The following PEAR1 variants were observed in gnomAD, a reference collection of about 807,000 sequenced individuals.
The protein encoded by PEAR1 is multiple EGF-like domains protein 12.
PEAR1 carries 113 observed loss-of-function variants against 131.2 expected under a neutral mutation model. That is an observed-to-expected ratio of 0.86 (90% CI 0.74 to 1.01). PEAR1 has a LOEUF of 1.01. Among genes scored for constraint, PEAR1 ranks in the 50% least tolerant of loss-of-function variants. The pLI, the probability that PEAR1 is intolerant of heterozygous loss-of-function variation, is 0.00. For synonymous variants in PEAR1, 565 were observed against 523.3 expected (o/e 1.08, Z -1.09); for missense variants, 1,408 against 1,391.1 (o/e 1.01, Z -0.19).
Position 156,913,706 on chromosome 1 carries a change from G to T in PEAR1, c.2659G>T (p.Asp887Tyr), listed in dbSNP as rs1331998792. 1 of 1,614,010 alleles carries T rather than the reference G, an allele frequency of 6.2e-7. No individual in the cohort carries two copies. ...GPLDRGSSRL[D>Y]RSYSYSYSNG... Reference sequence around the variant, plus strand: ...CTCCTCCTCAGGGAGCAGCCGCCTGGACCGAAGCTACAGCTATAGCTACAG... The same window carrying T: ...CTCCTCCTCAGGGAGCAGCCGCCTGTACCGAAGCTACAGCTATAGCTACAG... Residue 887 changes from aspartate (D) to tyrosine (Y), a missense_variant, in exon 21 of 23, where the codon GAC becomes TAC. By Grantham distance (160) the Asp-to-Tyr change is radical. Transcript: ENST00000292357.
Position 156,908,773 on chromosome 1 carries a change from C to G in PEAR1, c.1234C>G (p.His412Asp), listed in dbSNP as rs1257262177. The change falls in exon 10 of 23, where the codon CAC becomes GAC. Residue 412 changes from histidine (H) to aspartate (D), a missense_variant. Physicochemically the swap from His to Asp is moderately conservative, Grantham distance 81. Coordinates refer to ENST00000292357, the MANE Select transcript of PEAR1 (RefSeq NM_001080471.3). The surrounding 1 kb of genome is among the most constrained non-coding windows in gnomAD (Gnocchi z 4.2). The part of the protein sequence containing the change: ...PGCQEHCLCL[H>D]GGVCQATSGL... ...GTGCCAGGAGCACTGTCTCTGCCTG[C>G]ACGGTGGCGTCTGCCAGGCTACCAG... is the stretch of plus-strand genomic sequence containing the variant. 2 of 1,599,428 alleles carry G rather than the reference C, an allele frequency of 1.3e-6. No homozygotes were observed. Among genetic ancestry groups the G allele is most frequent in the Non-Finnish European group, 1.7e-6 (2 of 1,175,692 alleles).
In PEAR1 at chr1:156,908,924, C is replaced by T; in HGVS notation, c.1299C>T (p.His433=). The change falls in exon 11 of 23, where the codon CAC becomes CAT. Residue 433 remains histidine (H), a synonymous_variant. Coordinates refer to ENST00000292357, the MANE Select transcript of PEAR1 (RefSeq NM_001080471.3). This position sits in a 1 kb window ranked among gnomAD's most constrained non-coding sequence, Gnocchi z 4.2. ...CGCTCACCCTCTTTCAGGGCCCTCA[C>T]TGTGCTAGTCTTTGTCCTCCTGACA... ...CQCAPGYTGP[H]CASLCPPDTY... 2 of 1,613,600 alleles carry T rather than the reference C, an allele frequency of 1.2e-6. No homozygotes were observed. The highest frequency in any genetic ancestry group is 1.7e-6 in the Non-Finnish European group (2 of 1,179,960).
intron 1 of PEAR1, among the ~76,000 whole-genome samples, chr1:156,899,338 A>G (rs1237349320): frequency 6.6e-6 from 1 of 152,066 alleles, no homozygotes; most frequent in Non-Finnish European, 1.5e-5. Flanking sequence ...GTTGGTGCTT[A>G]GGCCCAGGGC....
chr1:156,912,389 G>A lies in PEAR1; in HGVS notation c.2080+14G>A, dbSNP rs1651315429. The A allele has an allele frequency of 1.2e-6, 2 of 1,610,140 alleles. No homozygotes were observed. Among genetic ancestry groups the A allele is most frequent in the Non-Finnish European group, 8.5e-7 (1 of 1,178,300 alleles). Reference sequence around the variant, plus strand: ...ACTGCTTAGAAGGTACCAACAGAAGGGGAACTCCAGGCCCCTGCCTCCAAC... The same window carrying A: ...ACTGCTTAGAAGGTACCAACAGAAGAGGAACTCCAGGCCCCTGCCTCCAAC... On this transcript the variant is annotated intron_variant, in intron 16 of 22. Transcript: ENST00000292357.
intron 15 of PEAR1, among the ~76,000 whole-genome samples, chr1:156,911,214 T>TTC (rs1651149455): frequency 1.8e-5 from 2 of 111,122 alleles, no homozygotes; most frequent in African/African-American, 7.2e-5. Flanking sequence ...CTTTCTTTCT[T>TTC]TCTTTCCTTT....
rs199937671 is a variant in PEAR1, at chr1:156,906,701, G to A, written c.465G>A (p.Ser155=). ...DKPCSCGNNS[S]CDPKSGVCSC... ...CCTGCAGCTGCGGCAACAACAGCTC[G>A]TGTGATCCCAAGAGTGGGGTATGTT... Residue 155 remains serine, a synonymous_variant, in exon 6 of 23, where the codon TCG becomes TCA. Coordinates refer to ENST00000292357, the MANE Select transcript of PEAR1 (RefSeq NM_001080471.3). 294 of 1,614,002 alleles carry A rather than the reference G, an allele frequency of 1.8e-4. 1 individual carries two copies. The highest frequency in any genetic ancestry group is 6.6e-4 in the Middle Eastern group (4 of 6,084).
chr1:156,913,875 G>A lies in PEAR1; in HGVS notation c.2737G>A (p.Gly913Arg), dbSNP rs111590338. The change falls in exon 22 of 23, where the codon GGG (glycine) becomes AGG (arginine). Residue 913 changes from glycine to arginine, a missense_variant. Gly to Arg is a moderately radical substitution (Grantham distance 125). Coordinates refer to ENST00000292357, the MANE Select transcript of PEAR1 (RefSeq NM_001080471.3). ...NKGLISEEEL[G>R]ASVASLSSEN... ...AGGGCTCATCTCTGAAGAGGAGCTC[G>A]GGGCCAGTGTGGCTTCCCTGAGCAG... 3.3e-4 allele frequency: 525 copies of A among 1,613,620 alleles called. 2 individuals are homozygous for A. In the Middle Eastern group the frequency reaches 8.4e-3, roughly 26 times the overall value.
chr1:156,908,050 C>A lies in PEAR1; in HGVS notation c.901C>A (p.Arg301=), dbSNP rs551932842. The A allele has an allele frequency of 2.1e-6, 2 of 963,570 alleles. No individual in the cohort carries two copies. The allele number at this position is 963,570 out of a possible 1,614,324, so 59.7% of individuals were successfully genotyped here. The change falls in exon 8 of 23, where the codon CGG becomes AGG. Residue 301 remains arginine, a splice_region_variant and synonymous_variant. Coordinates refer to ENST00000292357, the MANE Select transcript of PEAR1 (RefSeq NM_001080471.3). This position sits in a 1 kb window ranked among gnomAD's most constrained non-coding sequence, Gnocchi z 4.2. The part of the protein sequence containing the change: ...CRCAPGYTGD[R]CREECPVGRF... The stretch of plus-strand genomic sequence containing the variant: ...CTGCGCTCCGGGTTACACTGGGGAT[C>A]GGTGAGTGGCGTGGGGCGGGCGGGA...
chr1:156,905,746 C>T (rs1650230907), intron 4 of PEAR1, among the ~76,000 whole-genome samples: 1 of 152,166 alleles, frequency 6.6e-6, no homozygotes. Context: ...CTCTCTGTCA[C>T]TGTGTGTCTC....
At chr1:156,897,159 G>C (rs1336682964) in intron 1 of PEAR1, among the ~76,000 whole-genome samples, 1 of 152,212 alleles carries the variant, frequency 6.6e-6, no homozygotes, top group Non-Finnish European at 1.5e-5. Context: ...GGCATCCTGG[G>C]TGTAAGTGCT....
chr1:156,910,519 A>G (rs1650941557), intron 14 of PEAR1, 99 bp from the exon 15 acceptor site: 1 of 1,560,866 alleles, frequency 6.4e-7, no homozygotes, highest in Non-Finnish European at 8.7e-7. Flanking sequence ...CCGTCTTCAG[A>G]CTAGTTACTG....
intron 1 of PEAR1, among the ~76,000 whole-genome samples, chr1:156,897,147 C>T (rs545384492): frequency 1.3e-4 from 20 of 152,284 alleles, no homozygotes; most frequent in African/African-American, 4.6e-4. Context: ...TGTTGGGTGC[C>T]GGGCATCCTG....
At position 156,908,109 on chromosome 1, in the gene PEAR1, C is replaced by A. The variant is rs780992280; in HGVS notation, c.903-19C>A. ...GGAGGAGGTGGGGCGCCGCCAGGCT[C>A]ACTCAGCTAGGTGCCCAGGTGCCGG... On this transcript the variant is annotated intron_variant, in intron 8 of 22. Transcript: ENST00000292357. The surrounding 1 kb of genome is among the most constrained non-coding windows in gnomAD (Gnocchi z 4.2). 6.3e-7 allele frequency: 1 copy of A among 1,593,266 alleles called. No homozygotes were observed. The highest frequency in any genetic ancestry group is 1.1e-5 in the South Asian group (1 of 88,442).
intron 15 of PEAR1, 81 bp downstream of exon 15, chr1:156,910,824 C>T: frequency 6.3e-7 from 1 of 1,577,104 alleles, no homozygotes; most frequent in Non-Finnish European, 8.6e-7. Context: ...TCCCCCAGCT[C>T]CTGGGTATAA....
At position 156,908,541 on chromosome 1, in the gene PEAR1, A is replaced by C. The variant is rs1459390282; in HGVS notation, c.1116-114A>C. ...TTTCAGAATAGCGCGGAGCCTCCCT[A>C]GTGACCCCCTTACCCCAGCGATGTG... On this transcript the variant is annotated intron_variant, in intron 9 of 22. Transcript: ENST00000292357. The surrounding 1 kb of genome is among the most constrained non-coding windows in gnomAD (Gnocchi z 4.2). 1.6e-6 allele frequency: 2 copies of C among 1,229,934 alleles called. No individual in the cohort carries two copies. The highest frequency in any genetic ancestry group is 5.6e-5 in the Admixed American group (2 of 35,692). 76.2% of individuals were successfully genotyped at this position (1,229,934 alleles called of 1,614,324 possible). A position where few individuals can be genotyped will look rare whatever the true frequency, so the allele number is the denominator to read the frequency against.
chr1:156,904,485 G>A (rs935467235), intron 2 of PEAR1, among the ~76,000 whole-genome samples: 1 of 152,188 alleles, frequency 6.6e-6, no homozygotes, highest in Non-Finnish European at 1.5e-5. Context: ...GGAGAGGGCA[G>A]GGAGAGAAAA....
At position 156,909,740 on chromosome 1, in the gene PEAR1, C is replaced by T. The variant is rs41273207; in HGVS notation, c.1412-11C>T. ...GGGTCCCCATACCTACCTACCAGGC[C>T]CCTCCTCCAGGTTGGCAGCGTGGTA... On this transcript the variant is annotated splice_polypyrimidine_tract_variant and intron_variant, in intron 11 of 22. Transcript: ENST00000292357. 0.028 allele frequency: 44,205 copies of T among 1,590,052 alleles called. 740 individuals carry two copies. Among genetic ancestry groups the T allele is most frequent in the Non-Finnish European group, 0.031 (35,845 of 1,164,550 alleles).
chr1:156,896,771 C>T (rs929080463), intron 1 of PEAR1, among the ~76,000 whole-genome samples: 1 of 152,192 alleles, frequency 6.6e-6, no homozygotes, highest in Non-Finnish European at 1.5e-5. Context: ...TGGGCATGCC[C>T]CTCCACCTCC....
chr1:156,902,854 G>A lies in PEAR1; in HGVS notation c.-9-1064G>A, dbSNP rs1475654728. ...AGCTGAGGCAGCAGAGCCGTCTGAA[G>A]TGCTGGGAGCCAGGGGTGGTGGGGA... is the stretch of plus-strand genomic sequence containing the variant. On this transcript the variant is annotated intron_variant, in intron 1 of 22. Transcript: ENST00000292357. The surrounding 1 kb of genome is among the most constrained non-coding windows in gnomAD (Gnocchi z 4.3). Among the ~76,000 whole-genome samples, 1 of 152,140 alleles carries A rather than the reference G, an allele frequency of 6.6e-6. No homozygotes were observed. Among genetic ancestry groups the A allele is most frequent in the Non-Finnish European group, 1.5e-5 (1 of 68,014 alleles).
Sources: allele counts gnomAD v4.1 joint callset (sites outside exome capture counted in the v4.1 genomes callset), GRCh38; gene constraint gnomAD v4.1.1; non-coding constraint Gnocchi (gnomAD v3.1); transcripts MANE v1.5; gene names NCBI Gene and HGNC (gene_info 2026-07-23, HGNC 2026-07-21).